Variants in GLP1R observed in about 807,000 individuals in gnomAD.
The protein encoded by GLP1R is glucagon-like peptide 1 receptor.
In GLP1R, 32 loss-of-function variants were observed where a neutral mutation model predicts 68.4. That is an observed-to-expected ratio of 0.47 (90% CI 0.35 to 0.63). The LOEUF is 0.63. GLP1R is among the 20% of genes least tolerant of loss of function. The probability of loss-of-function intolerance (pLI) is 0.00; values close to 1 mark genes in which losing one functional copy is unlikely to be tolerated. For synonymous variants in GLP1R, 263 were observed against 244.4 expected, an observed-to-expected ratio of 1.08 and a Z score of -0.71; for missense variants, 502 against 594.9, an observed-to-expected ratio of 0.84 and a Z score of 1.62.
At position 39,079,647 on chromosome 6, in the gene GLP1R, G is replaced by T. The variant is rs61733062; in HGVS notation, c.1127G>T (p.Arg376Leu). ...GCCTTTGTGATGGACGAGCACGCCC[G>T]GGGGACCCTGCGCTTCATCAAGCTG... ...IFAFVMDEHARGTLRFIKLFT... is the reference protein window; with the variant it reads ...IFAFVMDEHALGTLRFIKLFT... The change falls in exon 11 of 13, where the codon CGG (arginine) becomes CTG (leucine). Residue 376 changes from arginine to leucine, a missense_variant. Arg to Leu is a moderately radical substitution (Grantham distance 102). Transcript: ENST00000373256. The surrounding 1 kb of genome is among the most constrained non-coding windows in gnomAD (Gnocchi z 4.5). 2 of 1,611,788 alleles carry T rather than the reference G, an allele frequency of 1.2e-6. No individual in the cohort carries two copies. The highest frequency in any genetic ancestry group is 2.7e-5 in the African/African-American group (2 of 74,918).
chr6:39,085,074 G>A (rs1769110250), intron 12 of GLP1R, among the ~76,000 whole-genome samples: 1 of 152,140 alleles, frequency 6.6e-6, no homozygotes, highest in Admixed American at 6.5e-5. Flanking sequence ...GTTCCAGCTA[G>A]GCCTCTCCAG....
intron 7 of GLP1R, 100 bp from the exon 8 acceptor site, chr6:39,078,222 T>C (rs1177031406): frequency 1.2e-6 from 1 of 851,386 alleles, no homozygotes; most frequent in Admixed American, 1.7e-5. Flanking sequence ...GGAGAGGGGC[T>C]GGAAGTGTGA....
At chr6:39,066,329 G>C (rs200067220) in intron 5 of GLP1R, 26 bp downstream of exon 5, 6 of 1,314,632 alleles carry the variant, frequency 4.6e-6, no homozygotes, top group Non-Finnish European at 6.6e-6. Context: ...CCCTGGGAGG[G>C]GGCTGCTTCA....
chr6:39,052,267 A>G lies in GLP1R; in HGVS notation c.78+3349A>G, dbSNP rs116436602. 7.5e-3 allele frequency among the ~76,000 whole-genome samples: 1,136 copies of G among 152,216 alleles called. 11 individuals are homozygous for G. Among genetic ancestry groups the G allele is most frequent in the African/African-American group, 0.026 (1,084 of 41,490 alleles). ...ATTGTAAGCTCTGAGCTTTTGAAAA[A>G]AAAGAAAGAAAGAAAGAAAAACAAG... On this transcript the variant is annotated intron_variant, in intron 1 of 12. Transcript: ENST00000373256.
At position 39,063,926 on chromosome 6, in the gene GLP1R, AACACACACACACAC is replaced by A. The variant is rs530782175; in HGVS notation, c.284-1762_284-1749del. Among the ~76,000 whole-genome samples, 21 of 130,240 alleles carry A rather than the reference AACACACACACACAC, an allele frequency of 1.6e-4. 1 individual carries two copies. Among genetic ancestry groups the A allele is most frequent in the Non-Finnish European group, 2.5e-4 (16 of 62,914 alleles). The allele number at this position is 130,240 out of a possible 152,430, so 85.4% of individuals were successfully genotyped here. Reference sequence around the variant, plus strand: ...CACACACACACACACACAGACACATAACACACACACACACACACACACACACACACACACACCCC... The same window carrying A: ...CACACACACACACACACAGACACATAACACACACACACACACACACACCCC... On this transcript the variant is annotated intron_variant, in intron 3 of 12. Coordinates refer to ENST00000373256, the MANE Select transcript of GLP1R (RefSeq NM_002062.5).
In GLP1R at chr6:39,048,922, A is replaced by G; in HGVS notation, c.78+4A>G. ...CAGGGCCGGCCCCCGCCCCCAGGTG[A>G]GATCCAGGGACCCCGACGACACCGG... On this transcript the variant is annotated splice_donor_region_variant and intron_variant, in intron 1 of 12. Coordinates refer to ENST00000373256, the MANE Select transcript of GLP1R (RefSeq NM_002062.5). The G allele has an allele frequency of 7.5e-7, 1 of 1,325,550 alleles. No homozygotes were observed. The highest frequency in any genetic ancestry group is 9.9e-7 in the Non-Finnish European group (1 of 1,007,284). 82.1% of individuals were successfully genotyped at this position (1,325,550 alleles called of 1,614,324 possible).
chr6:39,075,228 C>G (rs901238765), intron 7 of GLP1R, among the ~76,000 whole-genome samples: 1 of 152,254 alleles, frequency 6.6e-6, no homozygotes, highest in Non-Finnish European at 1.5e-5. Flanking sequence ...GCCTCCTCCA[C>G]TCCCAGAACC....
In GLP1R at chr6:39,079,589, A is replaced by T. The variant is rs774182779; in HGVS notation, c.1069A>T (p.Ile357Phe). The T allele has an allele frequency of 3.7e-6, 6 of 1,602,718 alleles. No homozygotes were observed. Among genetic ancestry groups the T allele is most frequent in the Non-Finnish European group, 1.7e-6 (2 of 1,175,462 alleles). ...ACTTGCCAAGTCCACGCTGACACTC[A>T]TCCCCCTGCTGGGGACTCATGAGGT... ...CRLAKSTLTL[I>F]PLLGTHEVIF... The change falls in exon 11 of 13, where the codon ATC (isoleucine) becomes TTC (phenylalanine). Residue 357 changes from isoleucine to phenylalanine, a missense_variant. Physicochemically the swap from Ile to Phe is conservative, Grantham distance 21. Coordinates refer to ENST00000373256, the MANE Select transcript of GLP1R (RefSeq NM_002062.5). This position sits in a 1 kb window ranked among gnomAD's most constrained non-coding sequence, Gnocchi z 4.5.
chr6:39,055,800 G>A (rs1768197570), intron 1 of GLP1R, among the ~76,000 whole-genome samples: 1 of 152,142 alleles, frequency 6.6e-6, no homozygotes, highest in African/African-American at 2.4e-5. Context: ...AGACATCCCA[G>A]CTCTTTGTAG....
chr6:39,086,166 GACACACACACACACACACACAC>G lies in GLP1R; in HGVS notation c.*111_*132del. 1.5e-5 allele frequency: 9 copies of G among 581,718 alleles called. No individual in the cohort carries two copies. The highest frequency in any genetic ancestry group is 2.4e-5 in the Non-Finnish European group (8 of 333,452). The allele number at this position is 581,718 out of a possible 1,614,324, so 36.0% of individuals were successfully genotyped here. On this transcript the variant is annotated 3_prime_UTR_variant, in exon 13 of 13. Coordinates refer to ENST00000373256, the MANE Select transcript of GLP1R (RefSeq NM_002062.5). This position sits in a 1 kb window ranked among gnomAD's most constrained non-coding sequence, Gnocchi z 4.5. Reference sequence around the variant, plus strand: ...ACTCCCAGGGACAAGGGAAGGAAGGGACACACACACACACACACACACACACACACACACACACATACATCCT... The same window carrying G: ...ACTCCCAGGGACAAGGGAAGGAAGGGACACACACACACACACATACATCCT...
At chr6:39,074,092 C>A (rs1396834827) in intron 7 of GLP1R, among the ~76,000 whole-genome samples, 6 of 152,168 alleles carry the variant, frequency 3.9e-5, no homozygotes. Context: ...TAAGTTCACA[C>A]CCAGTCCCGG....
At chr6:39,055,124 G>T (rs564746861) in intron 1 of GLP1R, among the ~76,000 whole-genome samples, 1 of 152,300 alleles carries the variant, frequency 6.6e-6, no homozygotes, top group African/African-American at 2.4e-5. Context: ...CAAGGGGTGA[G>T]CAAGGCAACC....
chr6:39,049,633 T>C lies in GLP1R; in HGVS notation c.78+715T>C, dbSNP rs544756956. Among the ~76,000 whole-genome samples the C allele has an allele frequency of 1.6e-4, 25 of 152,086 alleles. No individual in the cohort carries two copies. Among genetic ancestry groups the C allele is most frequent in the Admixed American group, 1.3e-3 (20 of 15,290 alleles). Reference sequence around the variant, plus strand: ...ACTCACCCACTCTGCTGACCTCCCATTCTCATCCTGCACTGACAGCAGGCC... The same window carrying C: ...ACTCACCCACTCTGCTGACCTCCCACTCTCATCCTGCACTGACAGCAGGCC... On this transcript the variant is annotated intron_variant, in intron 1 of 12. Transcript: ENST00000373256. The surrounding 1 kb of genome is among the most constrained non-coding windows in gnomAD (Gnocchi z 4.5).
chr6:39,068,054 G>A (rs537966162), intron 5 of GLP1R, among the ~76,000 whole-genome samples: 10 of 152,218 alleles, frequency 6.6e-5, no homozygotes, highest in African/African-American at 1.9e-4. Flanking sequence ...CAGCCTGACC[G>A]ATGTAAGAGA....
chr6:39,071,715 CTAGAAATCATA>C (rs1192398900), intron 5 of GLP1R, among the ~76,000 whole-genome samples: 3 of 152,216 alleles, frequency 2.0e-5, no homozygotes, highest in African/African-American at 2.4e-5. Flanking sequence ...TGTAGATTTA[CTAGAAATCATA>C]TAGCAAAATC....
At position 39,079,255 on chromosome 6, in the gene GLP1R, C is replaced by T; in HGVS notation, c.1043+55C>T. 8.1e-7 allele frequency: 1 copy of T among 1,229,708 alleles called. No homozygotes were observed. The highest frequency in any genetic ancestry group is 1.2e-6 in the Non-Finnish European group (1 of 829,948). 76.2% of individuals were successfully genotyped at this position (1,229,708 alleles called of 1,614,324 possible). ...ACCCTCAGCAAGTGCCCCTTTCCTT[C>T]TAGCAGAGAGAGAGAGAGAGATCCT... On this transcript the variant is annotated intron_variant, in intron 10 of 12. Coordinates refer to ENST00000373256, the MANE Select transcript of GLP1R (RefSeq NM_002062.5). This position sits in a 1 kb window ranked among gnomAD's most constrained non-coding sequence, Gnocchi z 4.5.
chr6:39,072,182 C>G (rs999558368), intron 5 of GLP1R, among the ~76,000 whole-genome samples: 6 of 152,130 alleles, frequency 3.9e-5, no homozygotes, highest in African/African-American at 7.2e-5. Context: ...CAAATAATAA[C>G]TATTTTGTTT....
At chr6:39,083,804 GA>G (rs1769076600) in intron 12 of GLP1R, among the ~76,000 whole-genome samples, 1 of 152,210 alleles carries the variant, frequency 6.6e-6, no homozygotes, top group Non-Finnish European at 1.5e-5. Context: ...GATGGTGGAG[GA>G]GGAAGTGTGG....
intron 3 of GLP1R, among the ~76,000 whole-genome samples, chr6:39,057,952 C>T (rs1242290923): frequency 2.0e-5 from 3 of 152,222 alleles, no homozygotes; most frequent in African/African-American, 4.8e-5. Context: ...GCTTCCTTTC[C>T]TCTGAGACAC....
Sources: gnomAD v4.1 joint callset for allele counts (sites outside exome capture counted in the v4.1 genomes callset) on GRCh38, gnomAD v4.1.1 for gene constraint, Gnocchi (gnomAD v3.1) non-coding constraint, MANE v1.5 for transcripts, NCBI Gene and HGNC (gene_info 2026-07-23, HGNC 2026-07-21) for gene names.